Variants in VEPH1 observed in about 807,000 individuals in gnomAD.
VEPH1 encodes ventricular zone-expressed PH domain-containing protein homolog 1.
A neutral mutation model predicts 85.2 loss-of-function variants in VEPH1; 80 were observed. The ratio of observed to expected loss-of-function variants is 0.94; its 90% confidence interval spans 0.78 to 1.13. The LOEUF (loss-of-function observed/expected upper bound fraction) is 1.13. Ranked by LOEUF, VEPH1 falls within the 50% of genes most tolerant of loss-of-function variation. The probability of loss-of-function intolerance (pLI) is 0.00; values close to 1 mark genes in which losing one functional copy is unlikely to be tolerated. For missense variants in VEPH1, 955 were observed against 980.5 expected (o/e 0.97, Z 0.35); for synonymous variants, 297 against 348.0 (o/e 0.85, Z 1.63).
chr3:157,432,687 A>G (rs1374204705), intron 4 of VEPH1, among the ~76,000 whole-genome samples: 1 of 152,182 alleles, frequency 6.6e-6, no homozygotes, highest in Non-Finnish European at 1.5e-5. Context: ...ATAATAAATC[A>G]TTATATCCCA....
At chr3:157,468,166 C>T (rs2109435796) in intron 3 of VEPH1, among the ~76,000 whole-genome samples, 1 of 152,268 alleles carries the variant, frequency 6.6e-6, no homozygotes, top group African/African-American at 2.4e-5. Context: ...AATTCCTGCT[C>T]ACTGCTCATA....
At position 157,409,574 on chromosome 3, in the gene VEPH1, A is replaced by G. The variant is rs73020295; in HGVS notation, c.906+4307T>C. On this transcript the variant is annotated intron_variant, in intron 6 of 13. Transcript: ENST00000362010. Reference sequence around the variant, plus strand: ...AATCTGGGAGATAGAGAAAATAAGAATCTGTAGGATTTTGGTTTTTGTTTT... The same window carrying G: ...AATCTGGGAGATAGAGAAAATAAGAGTCTGTAGGATTTTGGTTTTTGTTTT... 4.0e-4 allele frequency: 381 copies of G among 958,214 alleles called. 4 individuals are homozygous for G. The African/African-American group carries it at 5.7e-3, about 14-fold the overall frequency. The allele number at this position is 958,214 out of a possible 1,614,324, so 59.4% of individuals were successfully genotyped here.
chr3:157,310,422 T>C (rs1478242247), intron 11 of VEPH1, among the ~76,000 whole-genome samples: 1 of 152,172 alleles, frequency 6.6e-6, no homozygotes, highest in Admixed American at 6.5e-5. Flanking sequence ...TTATCTCCAC[T>C]GTACAAGTAA....
chr3:157,413,490 T>C (rs1025922683), intron 6 of VEPH1: 57 of 984,940 alleles, frequency 5.8e-5, no homozygotes, highest in Non-Finnish European at 6.3e-5. Context: ...CAACCTGAAA[T>C]GAGATACAGC....
At chr3:157,349,088 G>A (rs945070339) in intron 9 of VEPH1, among the ~76,000 whole-genome samples, 5 of 152,144 alleles carry the variant, frequency 3.3e-5, no homozygotes, top group Admixed American at 2.6e-4. Context: ...GATGAACATA[G>A]CACTACAGGC....
At chr3:157,433,072 T>C (rs574189280) in intron 4 of VEPH1, among the ~76,000 whole-genome samples, 2 of 152,182 alleles carry the variant, frequency 1.3e-5, no homozygotes, top group Non-Finnish European at 2.9e-5. Flanking sequence ...TGTATGTTGA[T>C]CTTATATCCA....
intron 12 of VEPH1, among the ~76,000 whole-genome samples, chr3:157,272,342 CTCT>C: frequency 6.7e-6 from 1 of 148,556 alleles, no homozygotes; most frequent in Non-Finnish European, 1.5e-5. Flanking sequence ...TTCTTTCTTT[CTCT>C]TTTTCTCTCT....
chr3:157,308,621 C>T (rs1243621812), intron 11 of VEPH1, among the ~76,000 whole-genome samples: 1 of 151,970 alleles, frequency 6.6e-6, no homozygotes, highest in East Asian at 1.9e-4. Flanking sequence ...ATCCTTCTGG[C>T]TGTATTTTAC....
chr3:157,337,585 T>A (rs1012502773), intron 9 of VEPH1, among the ~76,000 whole-genome samples: 9 of 152,244 alleles, frequency 5.9e-5, no homozygotes, highest in African/African-American at 2.2e-4. Context: ...AATGATAAGA[T>A]TAAGGATGAC....
At chr3:157,337,497 T>G (rs1292393698) in intron 9 of VEPH1, among the ~76,000 whole-genome samples, 1 of 152,194 alleles carries the variant, frequency 6.6e-6, no homozygotes, top group Non-Finnish European at 1.5e-5. Context: ...AAAATAATCT[T>G]GCTCCATAAG....
At chr3:157,473,138 T>C (rs539707842) in intron 2 of VEPH1, among the ~76,000 whole-genome samples, 1 of 146,750 alleles carries the variant, frequency 6.8e-6, no homozygotes, top group East Asian at 2.1e-4. Flanking sequence ...AGTGGTGCGA[T>C]CTCAGGTCAC....
intron 2 of VEPH1, among the ~76,000 whole-genome samples, chr3:157,473,855 A>G (rs1458923813): frequency 1.3e-5 from 2 of 152,140 alleles, no homozygotes; most frequent in Non-Finnish European, 2.9e-5. Flanking sequence ...GAATTTCATT[A>G]AATGCCTTTT....
At chr3:157,319,652 G>T (rs929018100) in intron 9 of VEPH1, among the ~76,000 whole-genome samples, 2 of 152,178 alleles carry the variant, frequency 1.3e-5, no homozygotes, top group African/African-American at 2.4e-5. Flanking sequence ...AATTCATGTA[G>T]TTAGCTTGAG....
intron 6 of VEPH1, among the ~76,000 whole-genome samples, chr3:157,401,017 C>T (rs1247596379): frequency 6.6e-6 from 1 of 152,144 alleles, no homozygotes; most frequent in South Asian, 2.1e-4. Context: ...AATGGCCCCA[C>T]TATTTCTTTT....
chr3:157,357,730 T>A (rs2108748005), intron 9 of VEPH1, among the ~76,000 whole-genome samples: 1 of 152,320 alleles, frequency 6.6e-6, no homozygotes, highest in South Asian at 2.1e-4. Context: ...TGACCTCAGG[T>A]GATCCGCCTG....
rs118171444 is a variant in VEPH1, at chr3:157,264,581, C to T, written c.2265+945G>A. ...AAGAACATGCTTTGGTGTAACACTG[C>T]CTGATCTTGACCCCAGTTATACCCT... On this transcript the variant is annotated intron_variant, in intron 13 of 13. Transcript: ENST00000362010. 2.5e-3 allele frequency among the ~76,000 whole-genome samples: 388 copies of T among 152,270 alleles called. 5 individuals carry two copies. In the East Asian group the frequency reaches 0.038, roughly 15 times the overall value.
chr3:157,381,673 T>C (rs12492929), intron 6 of VEPH1: 212,436 of 319,206 alleles, frequency 0.67, 72,484 homozygotes, highest in East Asian at 0.82. Context: ...GAGCCAAGAT[T>C]GTGCCACTGC....
intron 5 of VEPH1, among the ~76,000 whole-genome samples, chr3:157,421,829 C>G (rs1732363733): frequency 6.6e-6 from 1 of 152,110 alleles, no homozygotes; most frequent in African/African-American, 2.4e-5. Context: ...TACCCCATTA[C>G]AACTTCTTCC....
chr3:157,332,825 A>C (rs1034279153), intron 9 of VEPH1, among the ~76,000 whole-genome samples: 3 of 152,184 alleles, frequency 2.0e-5, no homozygotes, highest in African/African-American at 7.2e-5. Context: ...CATATATTTT[A>C]AAATAATTAT....
Sources: allele counts gnomAD v4.1 joint callset (sites outside exome capture counted in the v4.1 genomes callset), GRCh38; gene constraint gnomAD v4.1.1; transcripts MANE v1.5; gene names NCBI Gene and HGNC (gene_info 2026-07-23, HGNC 2026-07-21).